Variants in RTN1 observed in about 807,000 individuals in gnomAD.
RTN1 encodes the protein reticulon-1.
In RTN1, 25 loss-of-function variants were observed where a neutral mutation model predicts 65.5. The observed-to-expected ratio is 0.38, with a 90% CI of 0.28 to 0.53. RTN1 has a LOEUF of 0.53. Ranked by LOEUF, RTN1 falls within the 20% of genes least tolerant of loss-of-function variation. The pLI is 0.79. For missense variants in RTN1, 983 were observed against 1,025.4 expected, an observed-to-expected ratio of 0.96 and a Z score of 0.57; for synonymous variants, 471 against 447.6, an observed-to-expected ratio of 1.05 and a Z score of -0.66.
intron 3 of RTN1, among the ~76,000 whole-genome samples, chr14:59,707,172 T>G (rs558405629): frequency 2.0e-5 from 3 of 152,250 alleles, no homozygotes; most frequent in African/African-American, 7.2e-5. Flanking sequence ...AGAGCAGATT[T>G]GTTTTTCATC....
At chr14:59,714,498 G>T (rs539335178) in intron 3 of RTN1, among the ~76,000 whole-genome samples, 1 of 152,254 alleles carries the variant, frequency 6.6e-6, no homozygotes, top group Non-Finnish European at 1.5e-5. Context: ...AGGAGCCCAG[G>T]TTCCTTCTCC....
At chr14:59,815,648 C>T (rs1886806899) in intron 1 of RTN1, among the ~76,000 whole-genome samples, 1 of 152,216 alleles carries the variant, frequency 6.6e-6, no homozygotes, top group Non-Finnish European at 1.5e-5. Context: ...CCTATCTTCT[C>T]TGTGCCCTCA....
chr14:59,772,345 A>C (rs2139562740), intron 1 of RTN1, among the ~76,000 whole-genome samples: 1 of 152,216 alleles, frequency 6.6e-6, no homozygotes, highest in East Asian at 1.9e-4. Context: ...TTTCTTTACA[A>C]ATGTTCTAAT....
In RTN1 at chr14:59,849,793, T is replaced by G. The variant is rs1033181076; in HGVS notation, c.241+20597A>C. 6.6e-6 allele frequency among the ~76,000 whole-genome samples: 1 copy of G among 152,234 alleles called. No homozygotes were observed. Among genetic ancestry groups the G allele is most frequent in the Non-Finnish European group, 1.5e-5 (1 of 68,034 alleles). On this transcript the variant is annotated intron_variant, in intron 1 of 8. Transcript: ENST00000267484. This position sits in a 1 kb window ranked among gnomAD's most constrained non-coding sequence, Gnocchi z 4.5. ...AAAGCCAAGAACTCCCACTCTCACT[T>G]ACTCCAGGTTCTAGAATTTAGCCAA...
chr14:59,705,844 A>T (rs193082746), intron 3 of RTN1, among the ~76,000 whole-genome samples: 49 of 152,328 alleles, frequency 3.2e-4, no homozygotes, highest in Middle Eastern at 6.8e-3. Flanking sequence ...ATGATACCCC[A>T]AAATATGGCC....
At chr14:59,699,055 T>C (rs889277229) in intron 3 of RTN1, among the ~76,000 whole-genome samples, 6 of 152,110 alleles carry the variant, frequency 3.9e-5, no homozygotes, top group African/African-American at 1.4e-4. Flanking sequence ...TGGAAGCTTG[T>C]TGTCATCTAT....
chr14:59,661,655 T>G (rs1157821419), intron 3 of RTN1, among the ~76,000 whole-genome samples: 1 of 152,110 alleles, frequency 6.6e-6, no homozygotes, highest in Non-Finnish European at 1.5e-5. Flanking sequence ...AAAAACCACA[T>G]GATTATTTCA....
chr14:59,853,116 C>A (rs941358650), intron 1 of RTN1, among the ~76,000 whole-genome samples: 4 of 152,122 alleles, frequency 2.6e-5, no homozygotes, highest in African/African-American at 4.8e-5. Context: ...ATTTCCCCAT[C>A]CATAAAAGAC....
At position 59,836,633 on chromosome 14, in the gene RTN1, G is replaced by A. The variant is rs1327770692; in HGVS notation, c.241+33757C>T. 6.6e-6 allele frequency among the ~76,000 whole-genome samples: 1 copy of A among 152,120 alleles called. No individual in the cohort carries two copies. The highest frequency in any genetic ancestry group is 6.5e-5 in the Admixed American group (1 of 15,268). On this transcript the variant is annotated intron_variant, in intron 1 of 8. Coordinates refer to ENST00000267484, the MANE Select transcript of RTN1 (RefSeq NM_021136.3). This position sits in a 1 kb window ranked among gnomAD's most constrained non-coding sequence, Gnocchi z 4.9. Reference sequence around the variant, plus strand: ...AGCAGGAAAGCAAAAATGCATTTTTGAGGACCAGCAAGGAATCCAGAATGA... The same window carrying A: ...AGCAGGAAAGCAAAAATGCATTTTTAAGGACCAGCAAGGAATCCAGAATGA...
In RTN1 at chr14:59,849,427, G is replaced by A. The variant is rs1222528335; in HGVS notation, c.241+20963C>T. 3.9e-5 allele frequency among the ~76,000 whole-genome samples: 6 copies of A among 152,128 alleles called. No homozygotes were observed. The highest frequency in any genetic ancestry group is 4.4e-5 in the Non-Finnish European group (3 of 68,026). The stretch of plus-strand genomic sequence containing the variant: ...AAACACTGCATTTGCAAATCTCCAG[G>A]CTAGTCATGCATAAGAGAAAAAGTA... On this transcript the variant is annotated intron_variant, in intron 1 of 8. Coordinates refer to ENST00000267484, the MANE Select transcript of RTN1 (RefSeq NM_021136.3). The surrounding 1 kb of genome is among the most constrained non-coding windows in gnomAD (Gnocchi z 4.5).
At chr14:59,769,819 G>C (rs979952312) in intron 1 of RTN1, among the ~76,000 whole-genome samples, 2 of 152,162 alleles carry the variant, frequency 1.3e-5, no homozygotes, top group African/African-American at 4.8e-5. Flanking sequence ...AAAAGATACA[G>C]GAAGGAGAAA....
At chr14:59,753,437 C>T (rs1346788224) in intron 1 of RTN1, among the ~76,000 whole-genome samples, 4 of 152,052 alleles carry the variant, frequency 2.6e-5, no homozygotes, top group South Asian at 2.1e-4. Context: ...TAGATGGGAT[C>T]GTATTAGAAT....
Position 59,803,852 on chromosome 14 carries a change from T to C in RTN1, c.242-57371A>G, listed in dbSNP as rs1886590090. On this transcript the variant is annotated intron_variant, in intron 1 of 8. Coordinates refer to ENST00000267484, the MANE Select transcript of RTN1 (RefSeq NM_021136.3). The surrounding 1 kb of genome is among the most constrained non-coding windows in gnomAD (Gnocchi z 5.6). ...CCACAGTATCCTATACTTAATTGTC[T>C]AAATGTGATTTAGGGTTTTATTTAT... Among the ~76,000 whole-genome samples, 1 of 152,218 alleles carries C rather than the reference T, an allele frequency of 6.6e-6. No homozygotes were observed. Among genetic ancestry groups the C allele is most frequent in the African/African-American group, 2.4e-5 (1 of 41,448 alleles).
intron 3 of RTN1, among the ~76,000 whole-genome samples, chr14:59,634,838 C>T (rs1882629023): frequency 6.6e-6 from 1 of 152,108 alleles, no homozygotes; most frequent in Non-Finnish European, 1.5e-5. Flanking sequence ...GAAATAGCAT[C>T]ACCAGTTTGA....
Position 59,698,215 on chromosome 14 carries a change from T to C in RTN1, c.1765+28704A>G, listed in dbSNP as rs189316684. Among the ~76,000 whole-genome samples, 90 of 152,300 alleles carry C rather than the reference T, an allele frequency of 5.9e-4. 1 individual carries two copies. The highest frequency in any genetic ancestry group is 3.9e-3 in the Admixed American group (59 of 15,288). On this transcript the variant is annotated intron_variant, in intron 3 of 8. Coordinates refer to ENST00000267484, the MANE Select transcript of RTN1 (RefSeq NM_021136.3). ...AATGTTCATAAGATTTTTAAAATACTGGTTCCCTCCAACCCAGAAATTCTT... is the reference window on the plus strand; with the variant it reads ...AATGTTCATAAGATTTTTAAAATACCGGTTCCCTCCAACCCAGAAATTCTT...
intron 2 of RTN1, among the ~76,000 whole-genome samples, chr14:59,733,031 C>T (rs1316917255): frequency 4.6e-5 from 7 of 151,838 alleles, no homozygotes; most frequent in Non-Finnish European, 8.8e-5. Context: ...AAGGAAGGGT[C>T]CCCCCAGTAG....
intron 1 of RTN1, among the ~76,000 whole-genome samples, chr14:59,839,246 T>G (rs1357941682): frequency 6.6e-6 from 1 of 152,184 alleles, no homozygotes; most frequent in East Asian, 1.9e-4. Flanking sequence ...GTAACTCAGT[T>G]TAAACTAGAA....
In RTN1 at chr14:59,727,222, G is replaced by C. The variant is rs764922456; in HGVS notation, c.1462C>G (p.Pro488Ala). 3.2e-6 allele frequency: 5 copies of C among 1,566,934 alleles called. No individual in the cohort carries two copies. Among genetic ancestry groups the C allele is most frequent in the South Asian group, 1.2e-5 (1 of 84,700 alleles). The change falls in exon 3 of 9, where the codon CCC becomes GCC. Residue 488 changes from proline (P) to alanine (A), a missense_variant. Pro to Ala is a conservative substitution (Grantham distance 27). This residue lies in a region of RTN1 where 818 missense variants were observed against 801.8 expected (regional missense o/e 1.02). Transcript: ENST00000267484. The surrounding 1 kb of genome is among the most constrained non-coding windows in gnomAD (Gnocchi z 4.2). Reference sequence around the variant, plus strand: ...TCCAGGGCGCTGGGCTTCATCGGGGGTGAGTCCTGCTCCCGCTTGGGGCTC... The same window carrying C: ...TCCAGGGCGCTGGGCTTCATCGGGGCTGAGTCCTGCTCCCGCTTGGGGCTC... ...EESPKREQDS[P>A]PMKPSALDAI...
intron 1 of RTN1, among the ~76,000 whole-genome samples, chr14:59,761,938 A>C (rs186417861): frequency 2.3e-4 from 35 of 152,320 alleles, no homozygotes; most frequent in Middle Eastern, 3.4e-3. Flanking sequence ...CACACAGAGC[A>C]AGCAAATGAG....
Sources: allele counts gnomAD v4.1 joint callset (sites outside exome capture counted in the v4.1 genomes callset), GRCh38; gene constraint gnomAD v4.1.1; regional missense constraint gnomAD v4.1.1; non-coding constraint Gnocchi (gnomAD v3.1); transcripts MANE v1.5; gene names NCBI Gene and HGNC (gene_info 2026-07-23, HGNC 2026-07-21).